Variants in CRTAC1 observed in about 807,000 individuals in gnomAD.
CRTAC1 encodes the protein cartilage acidic protein 1, also known as acidic secreted protein in cartilage.
A neutral mutation model predicts 67.8 loss-of-function variants in CRTAC1; 37 were observed. That is an observed-to-expected ratio of 0.55 (90% CI 0.42 to 0.72). The LOEUF (loss-of-function observed/expected upper bound fraction) is 0.72, where lower values mean the gene tolerates loss of function less well. CRTAC1 is among the 30% of genes least tolerant of loss of function. CRTAC1 has a pLI of 0.00. For synonymous variants in CRTAC1, 348 were observed against 371.0 expected, an observed-to-expected ratio of 0.94 and a Z score of 0.71; for missense variants, 780 against 931.6, an observed-to-expected ratio of 0.84 and a Z score of 2.12.
At chr10:97,905,513 TCTC>T (rs1189609516) in intron 6 of CRTAC1, among the ~76,000 whole-genome samples, 4 of 152,196 alleles carry the variant, frequency 2.6e-5, no homozygotes, top group African/African-American at 7.2e-5. Flanking sequence ...CTCTTAGTCT[TCTC>T]CTCCAACATG....
chr10:97,997,829 GA>G (rs1481746349), intron 2 of CRTAC1, among the ~76,000 whole-genome samples: 1 of 152,178 alleles, frequency 6.6e-6, no homozygotes, highest in East Asian at 1.9e-4. Flanking sequence ...GATATAACTG[GA>G]AAATTATCCA....
intron 2 of CRTAC1, among the ~76,000 whole-genome samples, chr10:97,964,388 T>C (rs111350545): frequency 8.2e-4 from 125 of 152,346 alleles, no homozygotes; most frequent in African/African-American, 2.9e-3. Context: ...TCACGTGGGT[T>C]CCCTGCAGCA....
intron 1 of CRTAC1, among the ~76,000 whole-genome samples, chr10:98,017,959 G>A (rs1353697970): frequency 6.6e-6 from 1 of 151,792 alleles, no homozygotes; most frequent in East Asian, 1.9e-4. Flanking sequence ...CACTTTGGGA[G>A]GCCGAGGCAG....
intron 2 of CRTAC1, among the ~76,000 whole-genome samples, chr10:97,964,757 C>T (rs186913855): frequency 6.6e-6 from 1 of 152,336 alleles, no homozygotes; most frequent in Admixed American, 6.5e-5. Context: ...TAACTTCTTT[C>T]TCGATAGCTA....
chr10:97,894,765 T>TATATAA (rs2050430940), intron 11 of CRTAC1, among the ~76,000 whole-genome samples: 1 of 104,128 alleles, frequency 9.6e-6, no homozygotes, highest in Non-Finnish European at 1.9e-5. Context: ...TATATATATA[T>TATATAA]GATAGGATTT....
intron 5 of CRTAC1, among the ~76,000 whole-genome samples, chr10:97,915,329 C>A (rs2050743542): frequency 6.6e-6 from 1 of 152,232 alleles, no homozygotes; most frequent in African/African-American, 2.4e-5. Context: ...TCCTGTGTGA[C>A]CTTGGGCGAG....
At chr10:97,878,921 TC>T (rs1182469549) in intron 14 of CRTAC1, among the ~76,000 whole-genome samples, 1 of 152,124 alleles carries the variant, frequency 6.6e-6, no homozygotes, top group Non-Finnish European at 1.5e-5. Flanking sequence ...CAAACCCTGG[TC>T]CCCCAAATGT....
At chr10:98,017,520 GT>G (rs550873466) in intron 1 of CRTAC1, among the ~76,000 whole-genome samples, 1 of 152,052 alleles carries the variant, frequency 6.6e-6, no homozygotes, top group Non-Finnish European at 1.5e-5. Flanking sequence ...GAGAAGAATT[GT>G]TTTTTAATAA....
intron 6 of CRTAC1, among the ~76,000 whole-genome samples, chr10:97,905,369 C>T (rs1467672421): frequency 1.3e-5 from 2 of 152,176 alleles, no homozygotes; most frequent in Non-Finnish European, 2.9e-5. Flanking sequence ...CTGGGATGCT[C>T]TCCCTCTAGC....
intron 8 of CRTAC1, among the ~76,000 whole-genome samples, chr10:97,900,078 G>C (rs2050511888): frequency 6.6e-6 from 1 of 152,230 alleles, no homozygotes; most frequent in Non-Finnish European, 1.5e-5. Context: ...TGTGGGGTAG[G>C]TCCCGGGATT....
At chr10:97,974,022 T>A (rs913585717) in intron 2 of CRTAC1, among the ~76,000 whole-genome samples, 3 of 151,036 alleles carry the variant, frequency 2.0e-5, no homozygotes, top group African/African-American at 7.3e-5. Flanking sequence ...GCCCTACACA[T>A]TCTCCGGTGA....
intron 11 of CRTAC1, among the ~76,000 whole-genome samples, chr10:97,894,523 G>GTAGCTGGGACTA (rs1214742073): frequency 1.3e-5 from 2 of 150,918 alleles, no homozygotes; most frequent in African/African-American, 4.9e-5. Context: ...AGTCTCCCAG[G>GTAGCTGGGACTA]TAGCTGGGAC....
chr10:97,886,652 T>TC (rs1177737806), intron 11 of CRTAC1, among the ~76,000 whole-genome samples: 1 of 150,686 alleles, frequency 6.6e-6, no homozygotes, highest in East Asian at 1.9e-4. Flanking sequence ...CTTTTTTCTT[T>TC]TTTTTTTTTT....
chr10:97,932,126 C>T (rs1564900263), intron 3 of CRTAC1, among the ~76,000 whole-genome samples: 1 of 152,294 alleles, frequency 6.6e-6, no homozygotes, highest in South Asian at 2.1e-4. Context: ...TCACTGGGCC[C>T]CCCATCTGCA....
At chr10:97,890,940 G>A (rs1328949078) in intron 11 of CRTAC1, among the ~76,000 whole-genome samples, 2 of 151,930 alleles carry the variant, frequency 1.3e-5, no homozygotes, top group African/African-American at 4.8e-5. Flanking sequence ...GCGCTGGGAG[G>A]ACAGGCGTGA....
At chr10:97,909,798 G>A (rs1351860560) in intron 5 of CRTAC1, among the ~76,000 whole-genome samples, 1 of 152,192 alleles carries the variant, frequency 6.6e-6, no homozygotes, top group East Asian at 1.9e-4. Flanking sequence ...GATATGGAAT[G>A]AAGATACGAA....
At chr10:97,927,732 C>A (rs541379826) in intron 3 of CRTAC1, among the ~76,000 whole-genome samples, 2 of 152,240 alleles carry the variant, frequency 1.3e-5, no homozygotes, top group Non-Finnish European at 2.9e-5. Context: ...CAGGCAGAGG[C>A]CCGGAGGCCT....
At chr10:97,979,986 C>A (rs1266820754) in intron 2 of CRTAC1, among the ~76,000 whole-genome samples, 1 of 152,226 alleles carries the variant, frequency 6.6e-6, no homozygotes, top group East Asian at 1.9e-4. Context: ...GTCTCTTCAA[C>A]AAACGCCCGG....
chr10:97,974,082 C>G (rs140164589), intron 2 of CRTAC1, among the ~76,000 whole-genome samples: 1 of 151,968 alleles, frequency 6.6e-6, no homozygotes, highest in Non-Finnish European at 1.5e-5. Flanking sequence ...ATTTTTATCT[C>G]CCCTCAAAGA....
Sources: allele counts gnomAD v4.1 joint callset (sites outside exome capture counted in the v4.1 genomes callset), GRCh38; gene constraint gnomAD v4.1.1; transcripts MANE v1.5; gene names NCBI Gene and HGNC (gene_info 2026-07-23, HGNC 2026-07-21).